BBX: variants seen among roughly 807,000 people sequenced by gnomAD.
BBX encodes HMG box transcription factor BBX.
In BBX, 30 loss-of-function variants were observed where a neutral mutation model predicts 100.2. The observed-to-expected ratio is 0.30, with a 90% confidence interval of 0.22 to 0.41. BBX has a LOEUF of 0.41. Among genes scored for constraint, BBX ranks in the 10% least tolerant of loss-of-function variants. BBX has a pLI of 1.00. For missense variants in BBX, 1,023 were observed against 1,129.8 expected, an observed-to-expected ratio of 0.91 and a Z score of 1.35; for synonymous variants, 376 against 388.1, an observed-to-expected ratio of 0.97 and a Z score of 0.37.
At chr3:107,580,455 A>G (rs996492641) in intron 2 of BBX, among the ~76,000 whole-genome samples, 4 of 152,086 alleles carry the variant, frequency 2.6e-5, no homozygotes, top group African/African-American at 9.7e-5. Context: ...AATTTGTTTT[A>G]TTTTACTGAA....
intron 15 of BBX, among the ~76,000 whole-genome samples, chr3:107,792,075 T>C (rs2069119530): frequency 6.6e-6 from 1 of 152,202 alleles, no homozygotes; most frequent in Admixed American, 6.5e-5. Context: ...TAGGTGCAGA[T>C]TTGATTTTGA....
intron 1 of BBX, 108 bp downstream of exon 1, chr3:107,523,215 A>AGCAGCGGCG (rs2047483999): frequency 9.2e-6 from 2 of 218,108 alleles, no homozygotes; most frequent in Non-Finnish European, 1.8e-5. Flanking sequence ...CCGCGGCAGG[A>AGCAGCGGCG]GCAGCGGCGG....
intron 10 of BBX, among the ~76,000 whole-genome samples, chr3:107,772,173 AGTACATC>A (rs2066959023): frequency 6.6e-6 from 1 of 152,236 alleles, no homozygotes; most frequent in Admixed American, 6.5e-5. Context: ...GCTACAGTTA[AGTACATC>A]GTTTCACTTA....
At chr3:107,584,901 C>T (rs903743874) in intron 2 of BBX, among the ~76,000 whole-genome samples, 3 of 151,850 alleles carry the variant, frequency 2.0e-5, no homozygotes, top group East Asian at 3.9e-4. Flanking sequence ...GGGCTGGTCT[C>T]GAACTCCTGA....
In BBX at chr3:107,568,850, A is replaced by G. The variant is rs192840914; in HGVS notation, c.-84+42452A>G. ...AGCTTCCCAAAGTTTCATTTCCAGG[A>G]CTCAAGGTTCATTTTAGATACATCC... On this transcript the variant is annotated intron_variant, in intron 2 of 17. Transcript: ENST00000325805. Among the ~76,000 whole-genome samples, 64 of 152,226 alleles carry G rather than the reference A, an allele frequency of 4.2e-4. 1 individual carries two copies. The East Asian group carries it at 0.011, about 27-fold the overall frequency.
chr3:107,732,978 G>T lies in BBX; in HGVS notation c.624G>T (p.Leu208=). Residue 208 remains leucine, a synonymous_variant, in exon 7 of 18, where the codon CTG becomes CTT. Coordinates refer to ENST00000325805, the MANE Select transcript of BBX (RefSeq NM_001142568.3). The part of the protein sequence containing the change: ...GMADPTQMGG[L]SMLLLAGEHA... ...TAGATCCTACTCAAATGGGAGGCCTGAGTATGCTGCTGTTAGCTGGAGAAC... is the reference window on the plus strand; with the variant it reads ...TAGATCCTACTCAAATGGGAGGCCTTAGTATGCTGCTGTTAGCTGGAGAAC... The T allele has an allele frequency of 6.2e-7, 1 of 1,613,294 alleles. No homozygotes were observed. The highest frequency in any genetic ancestry group is 8.5e-7 in the Non-Finnish European group (1 of 1,179,648).
chr3:107,566,175 CAAAAAAAAAAA>C (rs754905445), intron 2 of BBX, among the ~76,000 whole-genome samples: 2,010 of 53,078 alleles, frequency 0.038, 68 homozygotes, highest in African/African-American at 0.14. Flanking sequence ...AACTCTGTCT[CAAAAAAAAAAA>C]AAAAAAAAAA....
At chr3:107,706,974 C>T (rs544942761) in intron 3 of BBX, among the ~76,000 whole-genome samples, 1 of 152,072 alleles carries the variant, frequency 6.6e-6, no homozygotes, top group African/African-American at 2.4e-5. Flanking sequence ...TGCCTTCTTT[C>T]AATAATTTGA....
intron 2 of BBX, among the ~76,000 whole-genome samples, chr3:107,551,274 G>C (rs1015325895): frequency 3.3e-5 from 5 of 152,180 alleles, no homozygotes; most frequent in African/African-American, 1.2e-4. Context: ...TTAATTATTT[G>C]ATGCTGCATC....
intron 8 of BBX, among the ~76,000 whole-genome samples, chr3:107,745,958 A>G (rs1201657986): frequency 6.6e-6 from 1 of 152,050 alleles, no homozygotes; most frequent in Admixed American, 6.6e-5. Flanking sequence ...GAGATCCCTG[A>G]TCCTATTGCT....
At chr3:107,558,483 G>T (rs1364356416) in intron 2 of BBX, among the ~76,000 whole-genome samples, 7 of 151,966 alleles carry the variant, frequency 4.6e-5, no homozygotes, top group Admixed American at 4.6e-4. Context: ...GCGAGACTCT[G>T]TCTCAAAAAC....
At chr3:107,655,456 C>T (rs558201130) in intron 3 of BBX, among the ~76,000 whole-genome samples, 56 of 149,046 alleles carry the variant, frequency 3.8e-4, no homozygotes, top group African/African-American at 1.0e-3. Flanking sequence ...AAGGAGATAT[C>T]GTATGATTCT....
At chr3:107,718,678 G>C (rs2062294873) in intron 5 of BBX, among the ~76,000 whole-genome samples, 1 of 151,984 alleles carries the variant, frequency 6.6e-6, no homozygotes, top group Admixed American at 6.6e-5. Context: ...AAACCCAATA[G>C]GTGGCCACTT....
chr3:107,654,028 C>T (rs1284705511), intron 3 of BBX, among the ~76,000 whole-genome samples: 4 of 152,140 alleles, frequency 2.6e-5, no homozygotes, highest in African/African-American at 9.7e-5. Context: ...TTGAATACCA[C>T]TATGTTTTCA....
At chr3:107,702,120 C>G (rs1328604902) in intron 3 of BBX, among the ~76,000 whole-genome samples, 1 of 152,184 alleles carries the variant, frequency 6.6e-6, no homozygotes, top group African/African-American at 2.4e-5. Flanking sequence ...AACACAGGAG[C>G]AGCCAGAAAC....
At chr3:107,590,925 G>T (rs1024423237) in intron 2 of BBX, among the ~76,000 whole-genome samples, 2 of 152,236 alleles carry the variant, frequency 1.3e-5, no homozygotes, top group African/African-American at 4.8e-5. Flanking sequence ...AGCACAAGTT[G>T]CATGTGGTCC....
At chr3:107,794,896 A>G (rs1425567746) in intron 15 of BBX, among the ~76,000 whole-genome samples, 1 of 152,228 alleles carries the variant, frequency 6.6e-6, no homozygotes, top group Non-Finnish European at 1.5e-5. Context: ...TTGGAAAACA[A>G]GACGGTCTCT....
intron 2 of BBX, among the ~76,000 whole-genome samples, chr3:107,625,997 A>G (rs946947659): frequency 6.6e-6 from 1 of 152,146 alleles, no homozygotes; most frequent in Non-Finnish European, 1.5e-5. Context: ...GTTATGAAAA[A>G]AGGGGATTTT....
chr3:107,656,542 A>G (rs186945920), intron 3 of BBX, among the ~76,000 whole-genome samples: 30 of 152,282 alleles, frequency 2.0e-4, no homozygotes, highest in African/African-American at 7.0e-4. Flanking sequence ...AAAATTATTA[A>G]TATATATTGA....
Sources: allele counts gnomAD v4.1 joint callset (sites outside exome capture counted in the v4.1 genomes callset), GRCh38; gene constraint gnomAD v4.1.1; transcripts MANE v1.5; gene names NCBI Gene and HGNC (gene_info 2026-07-23, HGNC 2026-07-21).